ME3: variants seen among roughly 807,000 people sequenced by gnomAD.
The protein encoded by ME3 is NADP-dependent malic enzyme, mitochondrial.
Under a neutral mutation model 68.9 loss-of-function variants are expected in ME3, and 48 were observed. That is an observed-to-expected ratio of 0.70 (90% CI 0.55 to 0.89). ME3 has a LOEUF of 0.89. Among genes scored for constraint, ME3 ranks in the 40% least tolerant of loss-of-function variants. ME3 has a pLI of 0.00. For synonymous variants in ME3, 320 were observed against 318.8 expected (o/e 1.00, Z -0.04); for missense variants, 675 against 797.4 (o/e 0.85, Z 1.85).
chr11:86,518,386 CA>C (rs60207462), intron 4 of ME3, among the ~76,000 whole-genome samples: 14,639 of 152,162 alleles, frequency 0.096, 964 homozygotes, highest in East Asian at 0.26. Context: ...ACATACTTAA[CA>C]AAGTAACGCT....
chr11:86,594,193 A>G (rs1390607107), intron 2 of ME3, among the ~76,000 whole-genome samples: 1 of 146,940 alleles, frequency 6.8e-6, no homozygotes, highest in Non-Finnish European at 1.5e-5. Context: ...AGGTCGAACT[A>G]TTTTATAACT....
At chr11:86,641,963 G>C (rs1160554503) in intron 2 of ME3, among the ~76,000 whole-genome samples, 1 of 152,146 alleles carries the variant, frequency 6.6e-6, no homozygotes, top group Non-Finnish European at 1.5e-5. Context: ...ATTCCTGCAA[G>C]CTTCTGATTT....
intron 8 of ME3, among the ~76,000 whole-genome samples, chr11:86,463,551 G>C (rs1950331925): frequency 6.6e-6 from 1 of 152,214 alleles, no homozygotes; most frequent in South Asian, 2.1e-4. Context: ...ACAGGGTAAG[G>C]GGGAGACAGA....
At chr11:86,454,541 G>C (rs1251471111) in intron 8 of ME3, among the ~76,000 whole-genome samples, 1 of 152,166 alleles carries the variant, frequency 6.6e-6, no homozygotes, top group Non-Finnish European at 1.5e-5. Flanking sequence ...ATCAGATATT[G>C]TTCCAAGTAC....
At chr11:86,579,902 T>A (rs1371215557) in intron 2 of ME3, among the ~76,000 whole-genome samples, 1 of 152,176 alleles carries the variant, frequency 6.6e-6, no homozygotes, top group African/African-American at 2.4e-5. Flanking sequence ...TTTATTAGAC[T>A]TATATTAAAA....
chr11:86,519,371 T>C (rs925576195), intron 4 of ME3, among the ~76,000 whole-genome samples: 4 of 152,232 alleles, frequency 2.6e-5, no homozygotes, highest in African/African-American at 9.7e-5. Context: ...CTTAGGAGAA[T>C]GTTATTTCTT....
At chr11:86,531,617 A>G (rs1396515496) in intron 4 of ME3, among the ~76,000 whole-genome samples, 5 of 152,230 alleles carry the variant, frequency 3.3e-5, no homozygotes, top group Non-Finnish European at 7.3e-5. Context: ...CAACAATGAT[A>G]GAATGGATTA....
chr11:86,573,685 G>A (rs775400592), intron 2 of ME3, among the ~76,000 whole-genome samples: 7 of 150,602 alleles, frequency 4.6e-5, no homozygotes, highest in Non-Finnish European at 1.0e-4. Flanking sequence ...GGAGTGGAGA[G>A]AGACAGCATC....
chr11:86,551,614 G>T (rs1956688357), intron 4 of ME3, among the ~76,000 whole-genome samples: 1 of 152,192 alleles, frequency 6.6e-6, no homozygotes. Flanking sequence ...GAAATAATAA[G>T]CACCTCAAGG....
chr11:86,651,796 C>T (rs548474345), intron 2 of ME3, among the ~76,000 whole-genome samples: 9 of 152,186 alleles, frequency 5.9e-5, no homozygotes, highest in African/African-American at 1.2e-4. Flanking sequence ...CAAATGACTC[C>T]GAACTGAAGG....
In ME3 at chr11:86,621,361, A is replaced by G. The variant is rs906305691; in HGVS notation, c.183+50401T>C. 1.2e-4 allele frequency among the ~76,000 whole-genome samples: 19 copies of G among 152,266 alleles called. No individual in the cohort carries two copies. In the East Asian group the frequency reaches 2.9e-3, roughly 23 times the overall value. ...GAATAATTAAGGTCAGCTACATCAT[A>G]GTTTTTAAACTTTTTTGCTCCTCAG... On this transcript the variant is annotated intron_variant, in intron 2 of 14. Coordinates refer to ENST00000543262, the Ensembl canonical transcript of ME3.
At chr11:86,531,104 C>G (rs868035829) in intron 4 of ME3, among the ~76,000 whole-genome samples, 1 of 152,094 alleles carries the variant, frequency 6.6e-6, no homozygotes, top group Non-Finnish European at 1.5e-5. Flanking sequence ...ACTCATCTGA[C>G]AAAGGGCTAA....
intron 2 of ME3, among the ~76,000 whole-genome samples, chr11:86,565,737 T>C (rs1392634114): frequency 6.6e-6 from 1 of 152,248 alleles, no homozygotes; most frequent in Non-Finnish European, 1.5e-5. Flanking sequence ...ACATGTATTA[T>C]GTAAATATTT....
intron 2 of ME3, among the ~76,000 whole-genome samples, chr11:86,649,563 C>T (rs1217818873): frequency 6.6e-6 from 1 of 152,190 alleles, no homozygotes; most frequent in Non-Finnish European, 1.5e-5. Context: ...ATTTAGAAAA[C>T]ACCATCGTCT....
intron 4 of ME3, among the ~76,000 whole-genome samples, chr11:86,540,323 GTGGT>G (rs1955959426): frequency 6.6e-6 from 1 of 152,222 alleles, no homozygotes; most frequent in African/African-American, 2.4e-5. Flanking sequence ...CACTGGAACA[GTGGT>G]TCTCCTATCC....
chr11:86,645,519 G>A (rs1306860854), intron 2 of ME3, among the ~76,000 whole-genome samples: 4 of 152,156 alleles, frequency 2.6e-5, no homozygotes, highest in African/African-American at 9.7e-5. Flanking sequence ...CTTTGGGCAG[G>A]GCATCTCTGA....
intron 4 of ME3, among the ~76,000 whole-genome samples, chr11:86,528,163 C>A (rs1954914295): frequency 1.3e-5 from 2 of 152,140 alleles, no homozygotes; most frequent in African/African-American, 4.8e-5. Context: ...GGAGGAAGAT[C>A]TACCAAGCAA....
At chr11:86,475,110 C>T (rs572959593) in intron 7 of ME3, among the ~76,000 whole-genome samples, 209 of 152,252 alleles carry the variant, frequency 1.4e-3, no homozygotes, top group Admixed American at 5.9e-3. Context: ...ATGTATGTTG[C>T]CAGCCAAATC....
chr11:86,508,830 C>A (rs774059118), exon 5 of ME3: 6 of 1,613,686 alleles, frequency 3.7e-6, no homozygotes, highest in Non-Finnish European at 3.4e-6. Flanking sequence ...AGCATTGTTG[C>A]AAGATGACCT....
Sources: gnomAD v4.1 joint callset for allele counts (sites outside exome capture counted in the v4.1 genomes callset) on GRCh38, gnomAD v4.1.1 for gene constraint, MANE v1.5 for transcripts, NCBI Gene and HGNC (gene_info 2026-07-23, HGNC 2026-07-21) for gene names.